Variants in CREBL2 observed in about 807,000 individuals in gnomAD.
The protein encoded by CREBL2 is cAMP responsive element binding protein like 2.
A neutral mutation model predicts 19.5 loss-of-function variants in CREBL2; 4 were observed. The ratio of observed to expected loss-of-function variants is 0.20; its 90% CI spans 0.10 to 0.47. The LOEUF is 0.47. Ranked by LOEUF, CREBL2 falls within the 20% of genes least tolerant of loss-of-function variation. The pLI is 0.98. For missense variants in CREBL2, 85 were observed against 145.1 expected, an observed-to-expected ratio of 0.59 and a Z score of 2.13; for synonymous variants, 42 against 46.6, an observed-to-expected ratio of 0.90 and a Z score of 0.40.
intron 3 of CREBL2, 42 bp downstream of exon 3, chr12:12,637,756 C>T: frequency 6.4e-7 from 1 of 1,564,818 alleles, no homozygotes. Flanking sequence ...AAGAGAGTGT[C>T]TCGGTTGGGC....
Position 12,643,360 on chromosome 12 carries a change from C to G in CREBL2, c.*1362C>G, listed in dbSNP as rs536562668. ...TTTGATTTCCCCAGCGAGATACTTACCACTCTCTCTTCTCTTTCCCATGGT... is the reference window on the plus strand; with the variant it reads ...TTTGATTTCCCCAGCGAGATACTTAGCACTCTCTCTTCTCTTTCCCATGGT... On this transcript the variant is annotated 3_prime_UTR_variant, in exon 4 of 4. Coordinates refer to ENST00000228865, the MANE Select transcript of CREBL2 (RefSeq NM_001310.4). 1 of 152,708 alleles carries G rather than the reference C, an allele frequency of 6.5e-6. No individual in the cohort carries two copies. The highest frequency in any genetic ancestry group is 2.4e-5 in the African/African-American group (1 of 41,538). The allele number at this position is 152,708 out of a possible 1,614,324, so 9.5% of individuals were successfully genotyped here.
At chr12:12,629,902 T>C (rs1945430102) in intron 1 of CREBL2, among the ~76,000 whole-genome samples, 2 of 152,138 alleles carry the variant, frequency 1.3e-5, no homozygotes, top group Admixed American at 6.5e-5. Flanking sequence ...GTTGATACAG[T>C]GTATTATAGT....
intron 3 of CREBL2, among the ~76,000 whole-genome samples, chr12:12,639,467 AT>A (rs1225177921): frequency 6.6e-6 from 1 of 152,100 alleles, no homozygotes; most frequent in African/African-American, 2.4e-5. Context: ...CTTATTTTCC[AT>A]TTTTTAAAAC....
chr12:12,632,291 A>G (rs1406649153), intron 1 of CREBL2, among the ~76,000 whole-genome samples: 1 of 151,240 alleles, frequency 6.6e-6, no homozygotes, highest in Non-Finnish European at 1.5e-5. Flanking sequence ...TTTAGTCAGG[A>G]TGGTCTCGAT....
Position 12,612,122 on chromosome 12 carries a change from G to T in CREBL2, c.-51G>T. 1 of 1,605,608 alleles carries T rather than the reference G, an allele frequency of 6.2e-7. No homozygotes were observed. On this transcript the variant is annotated 5_prime_UTR_variant, in exon 1 of 4. Transcript: ENST00000228865. The stretch of plus-strand genomic sequence containing the variant: ...GGGGCCGGGCCAGGCCGGCTGAGCC[G>T]GGGGAGGGCTCCGGGAGGGAGTGCC...
At chr12:12,641,243 TA>T (rs1945514595) in intron 3 of CREBL2, among the ~76,000 whole-genome samples, 1 of 48,068 alleles carries the variant, frequency 2.1e-5, no homozygotes, top group African/African-American at 6.1e-5. Context: ...TTATTATTAT[TA>T]TTATTATTAT....
intron 1 of CREBL2, among the ~76,000 whole-genome samples, chr12:12,618,386 C>T (rs1945331017): frequency 6.6e-6 from 1 of 151,808 alleles, no homozygotes; most frequent in Non-Finnish European, 1.5e-5. Flanking sequence ...TCCTCAGATC[C>T]CAGATGGGGT....
intron 1 of CREBL2, among the ~76,000 whole-genome samples, chr12:12,621,530 A>C (rs1945359880): frequency 6.6e-6 from 1 of 151,930 alleles, no homozygotes; most frequent in Non-Finnish European, 1.5e-5. Context: ...AACCAAAAAA[A>C]AAAAAAAAAA....
chr12:12,637,596 C>T lies in CREBL2; in HGVS notation c.240C>T (p.Asp80=). 1 of 1,605,520 alleles carries T rather than the reference C, an allele frequency of 6.2e-7. No homozygotes were observed. The highest frequency in any genetic ancestry group is 8.5e-7 in the Non-Finnish European group (1 of 1,174,622). The change falls in exon 3 of 4, where the codon GAC becomes GAT. Residue 80 remains aspartate (D), a synonymous_variant. Transcript: ENST00000228865. ...ACAAGCAGTGGTGCATGGCAATGGA[C>T]CAAGGAAAAATCCCTTCTGAAATAA... ...EMYKQWCMAM[D]QGKIPSEIKA...
chr12:12,643,024 T>C lies in CREBL2; in HGVS notation c.*1026T>C, dbSNP rs1408305916. ...AGGGACAAATTGCTGGTAGATCTAC[T>C]GACTGTAGCCATCACCAGAACACTT... On this transcript the variant is annotated 3_prime_UTR_variant, in exon 4 of 4. Coordinates refer to ENST00000228865, the MANE Select transcript of CREBL2 (RefSeq NM_001310.4). The C allele has an allele frequency of 6.6e-6, 1 of 152,628 alleles. No individual in the cohort carries two copies. Among genetic ancestry groups the C allele is most frequent in the Non-Finnish European group, 1.5e-5 (1 of 68,024 alleles). The allele number at this position is 152,628 out of a possible 1,614,324, so 9.5% of individuals were successfully genotyped here.
intron 3 of CREBL2, among the ~76,000 whole-genome samples, chr12:12,640,765 T>C (rs1945511046): frequency 6.6e-6 from 1 of 152,246 alleles, no homozygotes; most frequent in South Asian, 2.1e-4. Flanking sequence ...GAGTTCTTTA[T>C]TGTGGTTATA....
rs181709471 is a variant in CREBL2 at position 12,612,357 on chromosome 12, C to T, written c.15+170C>T. Among the ~76,000 whole-genome samples, 54 of 152,336 alleles carry T rather than the reference C, an allele frequency of 3.5e-4. No individual in the cohort carries two copies. In the East Asian group the frequency reaches 5.6e-3, roughly 16 times the overall value. On this transcript the variant is annotated intron_variant, in intron 1 of 3. Coordinates refer to ENST00000228865, the MANE Select transcript of CREBL2 (RefSeq NM_001310.4). ...GGTACCCAGCCAGGAAATCAGGGAA[C>T]ACCGGGGCTGCGTTTTTCCAGGAAG...
intron 1 of CREBL2, among the ~76,000 whole-genome samples, chr12:12,631,547 CAG>C (rs1488946351): frequency 1.3e-5 from 2 of 152,178 alleles, no homozygotes; most frequent in Non-Finnish European, 2.9e-5. Context: ...TGCTTCCTCA[CAG>C]AAGTTATCAG....
At chr12:12,629,018 T>C (rs1005617169) in intron 1 of CREBL2, among the ~76,000 whole-genome samples, 1 of 152,268 alleles carries the variant, frequency 6.6e-6, no homozygotes, top group African/African-American at 2.4e-5. Flanking sequence ...TCTTGATTAC[T>C]GTAGCTTTCT....
At chr12:12,628,267 G>A (rs542747020) in intron 1 of CREBL2, among the ~76,000 whole-genome samples, 1 of 152,258 alleles carries the variant, frequency 6.6e-6, no homozygotes, top group South Asian at 2.1e-4. Flanking sequence ...GATGACTAAT[G>A]ATGTTGAGTA....
intron 3 of CREBL2, among the ~76,000 whole-genome samples, chr12:12,641,263 AT>A (rs761407635): frequency 0.012 from 1,037 of 85,904 alleles, 31 homozygotes; most frequent in African/African-American, 0.038. Context: ...ATTTTTTTTT[AT>A]TTTTTTTTTT....
At chr12:12,621,803 AT>A (rs1945362208) in intron 1 of CREBL2, among the ~76,000 whole-genome samples, 1 of 152,196 alleles carries the variant, frequency 6.6e-6, no homozygotes, top group South Asian at 2.1e-4. Flanking sequence ...AGTGGCTCTT[AT>A]GTGTAATGAG....
At position 12,617,643 on chromosome 12, in the gene CREBL2, C is replaced by CTTTTTTTTTTTTTTTTT. The variant is rs66943066; in HGVS notation, c.15+5478_15+5494dup. ...CCCTGAGATGCTCATTTTAGTAATT[C>CTTTTTTTTTTTTTTTTT]TTTTTTTTTTTTTTTTTTTTTTTTT... On this transcript the variant is annotated intron_variant, in intron 1 of 3. Transcript: ENST00000228865. Among the ~76,000 whole-genome samples, 4 of 38,766 alleles carry CTTTTTTTTTTTTTTTTT rather than the reference C, an allele frequency of 1.0e-4. 1 individual carries two copies. Among genetic ancestry groups the CTTTTTTTTTTTTTTTTT allele is most frequent in the Non-Finnish European group, 1.6e-4 (3 of 18,568 alleles). The allele number at this position is 38,766 out of a possible 152,430, so 25.4% of individuals were successfully genotyped here.
chr12:12,641,257 TTTTTTA>T (rs1228113497), intron 3 of CREBL2, among the ~76,000 whole-genome samples: 114 of 106,242 alleles, frequency 1.1e-3, no homozygotes, highest in African/African-American at 1.5e-3. Context: ...ATTATTATTT[TTTTTTA>T]TTTTTTTTTT....
Sources: gnomAD v4.1 joint callset for allele counts (sites outside exome capture counted in the v4.1 genomes callset) on GRCh38, gnomAD v4.1.1 for gene constraint, MANE v1.5 for transcripts, NCBI Gene and HGNC (gene_info 2026-07-23, HGNC 2026-07-21) for gene names.